LMNTD1: variants seen among roughly 807,000 people sequenced by gnomAD.
LMNTD1 encodes lamin tail domain-containing protein 1.
In LMNTD1, 35 loss-of-function variants were observed where a neutral mutation model predicts 50.9. The ratio of observed to expected loss-of-function variants is 0.69; its 90% CI spans 0.53 to 0.91. LMNTD1 has a LOEUF of 0.91. Ranked by LOEUF, LMNTD1 falls within the 40% of genes least tolerant of loss-of-function variation. LMNTD1 has a pLI of 0.00. For synonymous variants in LMNTD1, 153 were observed against 161.9 expected (o/e 0.94, Z 0.42); for missense variants, 470 against 475.5 (o/e 0.99, Z 0.11).
At chr12:25,573,791 T>C (rs568119335) in intron 1 of LMNTD1, among the ~76,000 whole-genome samples, 46 of 152,270 alleles carry the variant, frequency 3.0e-4, no homozygotes, top group African/African-American at 1.1e-3. Context: ...CTGAAAATCT[T>C]CCCTGATGAG....
chr12:25,517,725 T>C (rs1182663299), intron 8 of LMNTD1, among the ~76,000 whole-genome samples: 1 of 12,124 alleles, frequency 8.2e-5, no homozygotes, highest in Non-Finnish European at 4.5e-4. Context: ...ATAATAATAA[T>C]AATAATAATA....
At chr12:25,614,717 A>G (rs1946316696) in intron 1 of LMNTD1, among the ~76,000 whole-genome samples, 1 of 152,160 alleles carries the variant, frequency 6.6e-6, no homozygotes, top group Non-Finnish European at 1.5e-5. Flanking sequence ...CAAATAGGGA[A>G]AGTGGCTATA....
chr12:25,612,291 C>CACAA (rs1491216038), intron 1 of LMNTD1, among the ~76,000 whole-genome samples: 2 of 20,392 alleles, frequency 9.8e-5, no homozygotes, highest in African/African-American at 2.0e-4. Flanking sequence ...TAAGGTCCCT[C>CACAA]ACACACACAC....
chr12:25,617,228 C>T (rs1247379292), intron 1 of LMNTD1, among the ~76,000 whole-genome samples: 2 of 152,162 alleles, frequency 1.3e-5, no homozygotes, highest in African/African-American at 4.8e-5. Flanking sequence ...TGCTGAGGCC[C>T]TGATGGGCAC....
chr12:25,532,505 T>A (rs943375671), intron 4 of LMNTD1, among the ~76,000 whole-genome samples: 1 of 152,130 alleles, frequency 6.6e-6, no homozygotes, highest in Non-Finnish European at 1.5e-5. Context: ...GCTTTCAAAA[T>A]TGGCAGCTGT....
intron 9 of LMNTD1, among the ~76,000 whole-genome samples, chr12:25,484,655 T>G (rs11048066): frequency 2.6e-5 from 2 of 78,178 alleles, no homozygotes; most frequent in African/African-American, 5.2e-5. Flanking sequence ...CCCTCCCCCC[T>G]CCCCCCACCC....
intron 1 of LMNTD1, among the ~76,000 whole-genome samples, chr12:25,623,989 C>G (rs547351989): frequency 1.3e-4 from 20 of 152,226 alleles, no homozygotes; most frequent in Middle Eastern, 3.4e-3. Flanking sequence ...TTCATCATCC[C>G]TTGAGTATGA....
chr12:25,508,460 GTTCA>G (rs1279472751), intron 8 of LMNTD1, among the ~76,000 whole-genome samples: 2 of 152,104 alleles, frequency 1.3e-5, no homozygotes, highest in Admixed American at 6.6e-5. Flanking sequence ...TGTAGCAGTA[GTTCA>G]TTCATTTTCA....
chr12:25,562,500 C>T (rs963877792), intron 1 of LMNTD1, among the ~76,000 whole-genome samples: 4 of 152,162 alleles, frequency 2.6e-5, no homozygotes, highest in Non-Finnish European at 5.9e-5. Context: ...TCTGCGGGGA[C>T]ATCCGCTGTT....
At chr12:25,575,721 G>A (rs1444969865) in intron 1 of LMNTD1, among the ~76,000 whole-genome samples, 2 of 151,926 alleles carry the variant, frequency 1.3e-5, no homozygotes, top group Non-Finnish European at 1.5e-5. Flanking sequence ...TAAGTTCTAG[G>A]GTACATGTGC....
intron 1 of LMNTD1, among the ~76,000 whole-genome samples, chr12:25,619,252 C>CTCTCTCTCTCTATATATATA (rs1374134268): frequency 4.7e-5 from 4 of 84,452 alleles, no homozygotes; most frequent in East Asian, 4.2e-4. Flanking sequence ...CTCTCTCTCT[C>CTCTCTCTCTCTATATATATA]TATATATATA....
chr12:25,643,108 G>A (rs1946987540), intron 1 of LMNTD1, among the ~76,000 whole-genome samples: 1 of 152,120 alleles, frequency 6.6e-6, no homozygotes, highest in South Asian at 2.1e-4. Flanking sequence ...ATCCTTGAGT[G>A]AGACAGAAAA....
At position 25,631,212 on chromosome 12, in the gene LMNTD1, C is replaced by G. The variant is rs187390910; in HGVS notation, c.58+17282G>C. On this transcript the variant is annotated intron_variant, in intron 1 of 7. Transcript: ENST00000445693. ...ACCTGATGGTCTTTCCCTACCCACC[C>G]TGGTAGCAGAAGACCAAGGGCATAT... Among the ~76,000 whole-genome samples, 618 of 152,328 alleles carry G rather than the reference C, an allele frequency of 4.1e-3. 1 individual carries two copies. Among genetic ancestry groups the G allele is most frequent in the African/African-American group, 0.014 (577 of 41,564 alleles).
chr12:25,608,388 G>C (rs924357985), intron 1 of LMNTD1, among the ~76,000 whole-genome samples: 33 of 152,264 alleles, frequency 2.2e-4, no homozygotes, highest in East Asian at 7.7e-4. Flanking sequence ...ATGTTAGCTG[G>C]TTATTTTGCC....
intron 1 of LMNTD1, among the ~76,000 whole-genome samples, chr12:25,601,826 T>C (rs1054265336): frequency 3.3e-5 from 5 of 151,942 alleles, no homozygotes; most frequent in Non-Finnish European, 5.9e-5. Context: ...GTTGTACATA[T>C]TTTGGGGGTA....
intron 8 of LMNTD1, among the ~76,000 whole-genome samples, chr12:25,511,190 T>C (rs1019488199): frequency 6.6e-6 from 1 of 152,136 alleles, no homozygotes; most frequent in African/African-American, 2.4e-5. Context: ...TGTGATGAGA[T>C]AGGACAGCCC....
At chr12:25,619,652 T>C (rs1490776597) in intron 1 of LMNTD1, among the ~76,000 whole-genome samples, 2 of 152,192 alleles carry the variant, frequency 1.3e-5, no homozygotes, top group Admixed American at 1.3e-4. Flanking sequence ...AGACTGCAGG[T>C]GCTTGTTCTG....
intron 1 of LMNTD1, among the ~76,000 whole-genome samples, chr12:25,578,099 T>A (rs1197238457): frequency 6.6e-6 from 1 of 152,174 alleles, no homozygotes; most frequent in East Asian, 1.9e-4. Context: ...AGGAAGCAGC[T>A]CATTCATCTA....
intron 1 of LMNTD1, among the ~76,000 whole-genome samples, chr12:25,646,529 G>A (rs1947076314): frequency 6.6e-6 from 1 of 152,068 alleles, no homozygotes; most frequent in African/African-American, 2.4e-5. Context: ...GCCCCTTAGA[G>A]GGGCAGCTGG....
Sources: gnomAD v4.1 joint callset for allele counts (sites outside exome capture counted in the v4.1 genomes callset) on GRCh38, gnomAD v4.1.1 for gene constraint, MANE v1.5 for transcripts, NCBI Gene and HGNC (gene_info 2026-07-23, HGNC 2026-07-21) for gene names.